The following GRIK4 variants were observed in gnomAD, a reference collection of about 807,000 sequenced individuals.
The protein encoded by GRIK4 is glutamate ionotropic receptor kainate type subunit 4.
In GRIK4, 40 loss-of-function variants were observed where a neutral mutation model predicts 104.9. That is an observed-to-expected ratio of 0.38 (90% CI 0.30 to 0.50). GRIK4 has a LOEUF of 0.50. Ranked by LOEUF, GRIK4 falls within the 20% of genes least tolerant of loss-of-function variation. GRIK4 has a pLI of 0.93. For synonymous variants in GRIK4, 485 were observed against 524.9 expected (o/e 0.92, Z 1.04); for missense variants, 1,047 against 1,308.1 (o/e 0.80, Z 3.08).
At chr11:120,864,211 TTA>T (rs1379686511) in intron 9 of GRIK4, among the ~76,000 whole-genome samples, 2 of 135,792 alleles carry the variant, frequency 1.5e-5, no homozygotes, top group East Asian at 2.3e-4. Context: ...TTATTTTTAT[TTA>T]TTTATTTATT....
At chr11:120,775,375 A>G (rs61901425) in intron 3 of GRIK4, among the ~76,000 whole-genome samples, 3,264 of 152,342 alleles carry the variant, frequency 0.021, 63 homozygotes, top group South Asian at 0.068. Context: ...GGGCAGCAAG[A>G]GGACAGGGAA....
intron 6 of GRIK4, among the ~76,000 whole-genome samples, chr11:120,828,160 A>G (rs1752451009): frequency 6.6e-6 from 1 of 152,196 alleles, no homozygotes; most frequent in African/African-American, 2.4e-5. Flanking sequence ...CAATCCAGCA[A>G]GCACCATGCA....
chr11:120,554,189 C>A (rs1948166317), intron 1 of GRIK4, among the ~76,000 whole-genome samples: 1 of 152,110 alleles, frequency 6.6e-6, no homozygotes, highest in South Asian at 2.1e-4. Context: ...TGGAGTTGGG[C>A]CCAAATGGGA....
intron 3 of GRIK4, among the ~76,000 whole-genome samples, chr11:120,791,093 T>C (rs1591918206): frequency 6.6e-6 from 1 of 152,126 alleles, no homozygotes; most frequent in South Asian, 2.1e-4. Context: ...AGTCAAAAAT[T>C]AATGTTTCTT....
At chr11:120,645,388 A>G (rs1164074507) in intron 1 of GRIK4, among the ~76,000 whole-genome samples, 2 of 152,196 alleles carry the variant, frequency 1.3e-5, no homozygotes, top group African/African-American at 4.8e-5. Flanking sequence ...TTTTCCTTTC[A>G]CATGCAACGG....
chr11:120,857,623 A>G (rs1455796496), intron 8 of GRIK4, among the ~76,000 whole-genome samples: 2 of 152,138 alleles, frequency 1.3e-5, no homozygotes, highest in African/African-American at 4.8e-5. Context: ...TTCACAGAGG[A>G]CAGTCAGTGG....
At chr11:120,884,278 T>C (rs899505647) in intron 11 of GRIK4, among the ~76,000 whole-genome samples, 20 of 152,262 alleles carry the variant, frequency 1.3e-4, no homozygotes, top group African/African-American at 9.6e-5. Flanking sequence ...TTGAGGATTC[T>C]ACTATATTTG....
intron 3 of GRIK4, among the ~76,000 whole-genome samples, chr11:120,732,605 T>C (rs1412637733): frequency 6.6e-6 from 1 of 152,236 alleles, no homozygotes; most frequent in Non-Finnish European, 1.5e-5. Flanking sequence ...TTTTCATCAT[T>C]CGGGAGCATA....
intron 1 of GRIK4, among the ~76,000 whole-genome samples, chr11:120,598,869 G>T (rs1298425070): frequency 6.6e-6 from 1 of 152,228 alleles, no homozygotes; most frequent in Non-Finnish European, 1.5e-5. Flanking sequence ...GTTATTTCAT[G>T]TCTGTTAATG....
At chr11:120,757,982 G>A (rs1951682089) in intron 3 of GRIK4, among the ~76,000 whole-genome samples, 1 of 152,294 alleles carries the variant, frequency 6.6e-6, no homozygotes, top group Middle Eastern at 3.4e-3. Context: ...AAGCTTCTTG[G>A]ATTGGTTTTA....
intron 1 of GRIK4, among the ~76,000 whole-genome samples, chr11:120,523,118 A>C (rs987165522): frequency 6.0e-5 from 9 of 149,558 alleles, no homozygotes; most frequent in Non-Finnish European, 5.9e-5. Flanking sequence ...AGGGGGCCAA[A>C]ATTTCAGCTG....
At chr11:120,868,606 G>C (rs1294239415) in intron 9 of GRIK4, 1 of 150,020 alleles carries the variant, frequency 6.7e-6, no homozygotes, top group African/African-American at 2.5e-5. Flanking sequence ...TTTTTTTTGA[G>C]ACGGAGTCTT....
intron 4 of GRIK4, among the ~76,000 whole-genome samples, chr11:120,804,431 T>C (rs974392400): frequency 1.3e-5 from 2 of 152,214 alleles, no homozygotes; most frequent in Admixed American, 1.3e-4. Flanking sequence ...GCAGTGGCTC[T>C]GGAGACTCCC....
At position 120,952,486 on chromosome 11, in the gene GRIK4, T is replaced by C. The variant is rs1190907159; in HGVS notation, c.1591-369T>C. Among the ~76,000 whole-genome samples, 1 of 152,124 alleles carries C rather than the reference T, an allele frequency of 6.6e-6. No individual in the cohort carries two copies. The highest frequency in any genetic ancestry group is 6.5e-5 in the Admixed American group (1 of 15,284). ...GGGATGCTGTGGTCGAATTCAGCAA[T>C]GCAGACAGCAGCAGCTCAAAGGTGC... On this transcript the variant is annotated intron_variant, in intron 14 of 20. Coordinates refer to ENST00000527524, the MANE Select transcript of GRIK4 (RefSeq NM_014619.5). The surrounding 1 kb of genome is among the most constrained non-coding windows in gnomAD (Gnocchi z 5.2).
chr11:120,975,698 G>A (rs1944550552), intron 19 of GRIK4, among the ~76,000 whole-genome samples: 1 of 152,168 alleles, frequency 6.6e-6, no homozygotes, highest in Admixed American at 6.5e-5. Context: ...TCCCTCTAGA[G>A]GTTCCCAGGA....
At chr11:120,727,351 G>A (rs912428645) in intron 3 of GRIK4, among the ~76,000 whole-genome samples, 2 of 152,216 alleles carry the variant, frequency 1.3e-5, no homozygotes, top group African/African-American at 4.8e-5. Flanking sequence ...AAAAGTTGGG[G>A]AGGGGAACAG....
chr11:120,817,064 T>C (rs542614334), intron 5 of GRIK4, among the ~76,000 whole-genome samples: 2 of 152,328 alleles, frequency 1.3e-5, no homozygotes, highest in South Asian at 4.1e-4. Flanking sequence ...GCAGTGGCTC[T>C]GATCTTCACT....
rs919871197 is a variant in GRIK4, at chr11:120,899,254, TA to T, written c.1272+624del. Among the ~76,000 whole-genome samples, 309 of 149,960 alleles carry T rather than the reference TA, an allele frequency of 2.1e-3. 2 individuals are homozygous for T. Among genetic ancestry groups the T allele is most frequent in the African/African-American group, 7.3e-3 (297 of 40,926 alleles). Reference sequence around the variant, plus strand: ...CAACACGGCGAAACCCTGTCTCTACTAAAAAAAAATAGAAAAATTAGCTGGG... The same window carrying T: ...CAACACGGCGAAACCCTGTCTCTACTAAAAAAAATAGAAAAATTAGCTGGG... On this transcript the variant is annotated intron_variant, in intron 12 of 20. Transcript: ENST00000527524.
Position 120,565,005 on chromosome 11 carries a change from T to G in GRIK4, c.-159+53118T>G, listed in dbSNP as rs1591697775. Among the ~76,000 whole-genome samples the G allele has an allele frequency of 2.6e-5, 4 of 152,254 alleles. No individual in the cohort carries two copies. The South Asian group carries it at 8.3e-4, about 32-fold the overall frequency. ...GGGGTGGGGGGGGTGGGGTGTCCTG[T>G]GTAGCCGCCCACCTCCTGTCCCGGC... On this transcript the variant is annotated intron_variant, in intron 1 of 20. Transcript: ENST00000527524.
Sources: gnomAD v4.1 joint callset for allele counts (sites outside exome capture counted in the v4.1 genomes callset) on GRCh38, gnomAD v4.1.1 for gene constraint, Gnocchi (gnomAD v3.1) non-coding constraint, MANE v1.5 for transcripts, NCBI Gene and HGNC (gene_info 2026-07-23, HGNC 2026-07-21) for gene names.